The following B3GALT1 variants were observed in gnomAD, a reference collection of about 807,000 sequenced individuals.
The protein encoded by B3GALT1 is beta-1,3-galactosyltransferase 1.
A neutral mutation model predicts 23.2 loss-of-function variants in B3GALT1; 10 were observed. That is an observed-to-expected ratio of 0.43 (90% CI 0.27 to 0.73). B3GALT1 has a LOEUF of 0.73. B3GALT1 is among the 30% of genes least tolerant of loss of function. The probability of loss-of-function intolerance (pLI) is 0.21; values close to 1 mark genes in which losing one functional copy is unlikely to be tolerated. For missense variants in B3GALT1, 299 were observed against 405.4 expected, an observed-to-expected ratio of 0.74 and a Z score of 2.25; for synonymous variants, 156 against 141.5, an observed-to-expected ratio of 1.10 and a Z score of -0.73.
chr2:167,317,410 C>T (rs1342260565), intron 1 of B3GALT1, among the ~76,000 whole-genome samples: 1 of 152,082 alleles, frequency 6.6e-6, no homozygotes, highest in Non-Finnish European at 1.5e-5. Flanking sequence ...TCTGCCAACA[C>T]AGCCCAGTCA....
chr2:167,577,998 TAAAG>T (rs941883392), intron 2 of B3GALT1, among the ~76,000 whole-genome samples: 11 of 152,066 alleles, frequency 7.2e-5, no homozygotes, highest in African/African-American at 2.6e-4. Flanking sequence ...CTTGCATAAA[TAAAG>T]CAATCAAAAA....
At chr2:167,509,429 T>C (rs984055333) in intron 2 of B3GALT1, among the ~76,000 whole-genome samples, 1 of 152,062 alleles carries the variant, frequency 6.6e-6, no homozygotes, top group Non-Finnish European at 1.5e-5. Flanking sequence ...ACTATATATA[T>C]ACATATGTGT....
chr2:167,440,110 G>A lies in B3GALT1; in HGVS notation c.-510-50067G>A, dbSNP rs187203827. On this transcript the variant is annotated intron_variant, in intron 1 of 4. Transcript: ENST00000392690. ...TGTAATCCCAGCACTTTGGGAGGCC[G>A]AGGCGGGCGGATCACGAGGTCAGGA... Among the ~76,000 whole-genome samples, 1,169 of 151,912 alleles carry A rather than the reference G, an allele frequency of 7.7e-3. 17 individuals are homozygous for A. Among genetic ancestry groups the A allele is most frequent in the African/African-American group, 0.027 (1,119 of 41,468 alleles).
chr2:167,537,825 C>CTTTT (rs530916294), intron 2 of B3GALT1, among the ~76,000 whole-genome samples: 1,710 of 132,836 alleles, frequency 0.013, 63 homozygotes, highest in East Asian at 0.092. Flanking sequence ...GATGCTTGTT[C>CTTTT]TTTTTTTTTT....
intron 1 of B3GALT1, among the ~76,000 whole-genome samples, chr2:167,339,690 G>A (rs919267486): frequency 7.9e-5 from 12 of 152,102 alleles, no homozygotes; most frequent in Admixed American, 1.3e-4. Context: ...TTAGGTAACC[G>A]AAATTGAAAA....
intron 2 of B3GALT1, among the ~76,000 whole-genome samples, chr2:167,570,830 A>G (rs1684279096): frequency 6.6e-6 from 1 of 151,928 alleles, no homozygotes. Flanking sequence ...GGCTGCTAAA[A>G]TCTTCTTTTT....
intron 2 of B3GALT1, among the ~76,000 whole-genome samples, chr2:167,493,580 T>C (rs1246182776): frequency 6.6e-6 from 1 of 152,198 alleles, no homozygotes; most frequent in Non-Finnish European, 1.5e-5. Context: ...GCAGTTTTTA[T>C]GTGCAAAGGA....
intron 3 of B3GALT1, among the ~76,000 whole-genome samples, chr2:167,704,318 C>T (rs973613945): frequency 3.3e-5 from 5 of 151,226 alleles, no homozygotes; most frequent in African/African-American, 1.2e-4. Flanking sequence ...TTTTTAACAA[C>T]TTTTTGTCAT....
chr2:167,564,954 G>A (rs1411716609), intron 2 of B3GALT1, among the ~76,000 whole-genome samples: 1 of 152,144 alleles, frequency 6.6e-6, no homozygotes, highest in African/African-American at 2.4e-5. Context: ...TAGATTCCAT[G>A]CCATCCCTAT....
intron 3 of B3GALT1, among the ~76,000 whole-genome samples, chr2:167,805,644 G>T (rs981110930): frequency 6.6e-6 from 1 of 152,114 alleles, no homozygotes; most frequent in Non-Finnish European, 1.5e-5. Flanking sequence ...TTGTAGATAC[G>T]TGGCATTATT....
At chr2:167,803,328 T>C (rs1281886319) in intron 3 of B3GALT1, among the ~76,000 whole-genome samples, 1 of 152,230 alleles carries the variant, frequency 6.6e-6, no homozygotes, top group Non-Finnish European at 1.5e-5. Flanking sequence ...CAATTATGTT[T>C]TGATTGCAAC....
At chr2:167,822,600 A>G (rs1157408567) in intron 4 of B3GALT1, among the ~76,000 whole-genome samples, 1 of 152,192 alleles carries the variant, frequency 6.6e-6, no homozygotes, top group Non-Finnish European at 1.5e-5. Flanking sequence ...AGTTGCCTAC[A>G]CACAGACCAA....
intron 3 of B3GALT1, among the ~76,000 whole-genome samples, chr2:167,767,074 A>T (rs1687989965): frequency 6.6e-6 from 1 of 152,160 alleles, no homozygotes; most frequent in African/African-American, 2.4e-5. Context: ...TTTATTAAAA[A>T]TTTCCCTGGA....
intron 2 of B3GALT1, among the ~76,000 whole-genome samples, chr2:167,515,986 A>G (rs1388325577): frequency 1.3e-5 from 2 of 152,128 alleles, no homozygotes; most frequent in Non-Finnish European, 2.9e-5. Context: ...ACTATTCTGA[A>G]GCAAGGATTA....
intron 2 of B3GALT1, among the ~76,000 whole-genome samples, chr2:167,564,459 G>T (rs1192885867): frequency 6.6e-6 from 1 of 151,642 alleles, no homozygotes; most frequent in Non-Finnish European, 1.5e-5. Context: ...CCCAGACGGG[G>T]TGGCGGCCGG....
At chr2:167,439,337 A>T (rs1434456820) in intron 1 of B3GALT1, among the ~76,000 whole-genome samples, 1 of 152,148 alleles carries the variant, frequency 6.6e-6, no homozygotes, top group Admixed American at 6.5e-5. Context: ...CCTATTTTTC[A>T]CATCAATATT....
At chr2:167,305,054 T>G (rs935135010) in intron 1 of B3GALT1, among the ~76,000 whole-genome samples, 1 of 152,180 alleles carries the variant, frequency 6.6e-6, no homozygotes, top group Non-Finnish European at 1.5e-5. Flanking sequence ...TTACTCAGTC[T>G]ACAGATTCAG....
intron 4 of B3GALT1, among the ~76,000 whole-genome samples, chr2:167,858,757 A>T (rs1453151238): frequency 6.6e-6 from 1 of 152,204 alleles, no homozygotes; most frequent in Non-Finnish European, 1.5e-5. Flanking sequence ...GCTATTATGG[A>T]TTCCAGTAAA....
chr2:167,796,226 A>C (rs141215627), intron 3 of B3GALT1, among the ~76,000 whole-genome samples: 1 of 152,166 alleles, frequency 6.6e-6, no homozygotes, highest in Non-Finnish European at 1.5e-5. Context: ...CTCAATGCAA[A>C]TCTAAACAAG....
Sources: gnomAD v4.1 joint callset for allele counts (sites outside exome capture counted in the v4.1 genomes callset) on GRCh38, gnomAD v4.1.1 for gene constraint, MANE v1.5 for transcripts, NCBI Gene and HGNC (gene_info 2026-07-23, HGNC 2026-07-21) for gene names.